The following ASIC4 variants were observed in gnomAD, a reference collection of about 807,000 sequenced individuals.
ASIC4 encodes the protein acid sensing ion channel subunit family member 4.
A neutral mutation model predicts 53.4 loss-of-function variants in ASIC4; 28 were observed. The ratio of observed to expected loss-of-function variants is 0.52; its 90% CI spans 0.39 to 0.72. The LOEUF is 0.72. ASIC4 is among the 30% of genes least tolerant of loss of function. ASIC4 has a pLI of 0.00. For synonymous variants in ASIC4, 289 were observed against 301.4 expected (o/e 0.96, Z 0.43); for missense variants, 649 against 729.7 (o/e 0.89, Z 1.27).
chr2:219,536,944 G>A lies in ASIC4; in HGVS notation c.1230-122G>A, dbSNP rs909873667. 3 of 806,650 alleles carry A rather than the reference G, an allele frequency of 3.7e-6. No individual in the cohort carries two copies. The highest frequency in any genetic ancestry group is 2.2e-5 in the Admixed American group (1 of 44,508). 50.0% of individuals were successfully genotyped at this position (806,650 alleles called of 1,614,324 possible). ...CCCCTCACAGCCTTGGGGAGTCCGG[G>A]GGGTAGTCACTGACTTCCCCATGTA... On this transcript the variant is annotated intron_variant, in intron 6 of 9. Coordinates refer to ENST00000358078, the MANE Select transcript of ASIC4 (RefSeq NM_018674.6). The surrounding 1 kb of genome is among the most constrained non-coding windows in gnomAD (Gnocchi z 4.6).
chr2:219,535,903 G>C (rs1025398814), intron 6 of ASIC4, among the ~76,000 whole-genome samples: 1 of 151,474 alleles, frequency 6.6e-6, no homozygotes, highest in African/African-American at 2.4e-5. Flanking sequence ...CTCCCAAATA[G>C]CTGGGATTAT....
chr2:219,524,083 A>C (rs1376756512), intron 1 of ASIC4, among the ~76,000 whole-genome samples: 1 of 152,138 alleles, frequency 6.6e-6, no homozygotes, highest in Non-Finnish European at 1.5e-5. Context: ...TTGGCCTCCT[A>C]AAGTGCCGGG....
At position 219,517,226 on chromosome 2, in the gene ASIC4, G is replaced by T. The variant is rs1694809024; in HGVS notation, c.582+1920G>T. On this transcript the variant is annotated intron_variant, in intron 1 of 9. Coordinates refer to ENST00000358078, the MANE Select transcript of ASIC4 (RefSeq NM_018674.6). The surrounding 1 kb of genome is among the most constrained non-coding windows in gnomAD (Gnocchi z 4.2). ...TGCTTGGTCTCCAGGCTAGGAGGCG[G>T]TGCCTGGAGGATACAGGAACGGGGA... 1 of 152,292 alleles carries T rather than the reference G, an allele frequency of 6.6e-6. No homozygotes were observed. 9.4% of individuals were successfully genotyped at this position (152,292 alleles called of 1,614,324 possible). A position where few individuals can be genotyped will look rare whatever the true frequency, so the allele number is the denominator to read the frequency against.
Position 219,519,305 on chromosome 2 carries a change from T to C in ASIC4, c.582+3999T>C, listed in dbSNP as rs1369106808. The stretch of plus-strand genomic sequence containing the variant: ...TACTCTGTGTAAGCGTCAGCTGTTA[T>C]AAATGCCGCCACCCCAACTGCTGGC... On this transcript the variant is annotated intron_variant, in intron 1 of 9. Transcript: ENST00000358078. Among the ~76,000 whole-genome samples, 4 of 152,238 alleles carry C rather than the reference T, an allele frequency of 2.6e-5. No individual in the cohort carries two copies. In the East Asian group the frequency reaches 5.8e-4, roughly 22 times the overall value.
At chr2:219,514,132 C>T, upstream of ASIC4, 1 of 601,582 alleles carries the variant, frequency 1.7e-6, no homozygotes, top group Middle Eastern at 4.5e-4. Context: ...GGGCACGGCA[C>T]CCTTCCCTGG....
Position 219,514,898 on chromosome 2 carries a change from T to C in ASIC4, c.174T>C (p.Cys58=), listed in dbSNP as rs759446726. Residue 58 remains cysteine, a synonymous_variant, in exon 1 of 10, where the codon TGT becomes TGC. Transcript: ENST00000358078. ...TSTLHGLGRA[C]GPGPHGLRRT... is the part of the protein sequence containing the mutation. ...CCCTGCATGGACTGGGCCGGGCCTGTGGCCCAGGCCCCCACGGACTGCGCA... is the reference window on the plus strand; with the variant it reads ...CCCTGCATGGACTGGGCCGGGCCTGCGGCCCAGGCCCCCACGGACTGCGCA... 2 of 1,612,398 alleles carry C rather than the reference T, an allele frequency of 1.2e-6. No homozygotes were observed. Among genetic ancestry groups the C allele is most frequent in the Non-Finnish European group, 1.7e-6 (2 of 1,179,778 alleles).
Position 219,535,098 on chromosome 2 carries a change from C to CCT in ASIC4, c.1076-68_1076-67dup, listed in dbSNP as rs1695105993. ...CTGCCTCAGGACGGCCCCTGGGCCT[C>CCT]CTCTCTGCAGCTGGTGGGCCACTGG... On this transcript the variant is annotated intron_variant, in intron 5 of 9. Coordinates refer to ENST00000358078, the MANE Select transcript of ASIC4 (RefSeq NM_018674.6). 10 of 1,547,406 alleles carry CCT rather than the reference C, an allele frequency of 6.5e-6. No individual in the cohort carries two copies. In the East Asian group the frequency reaches 1.8e-4, roughly 28 times the overall value.
At chr2:219,532,612 TGA>T in intron 4 of ASIC4, 135 bp downstream of exon 4, 1 of 1,270,492 alleles carries the variant, frequency 7.9e-7, no homozygotes, top group Non-Finnish European at 1.1e-6. Flanking sequence ...CGTGTGAGTG[TGA>T]GTGTTTGGGA....
upstream of ASIC4, among the ~76,000 whole-genome samples, chr2:219,511,592 C>T (rs1439170754): frequency 5.9e-5 from 9 of 152,148 alleles, no homozygotes; most frequent in Admixed American, 3.3e-4. The surrounding 1 kb of genome is among the most constrained non-coding windows in gnomAD (Gnocchi z 5.3). Flanking sequence ...CCCAGCTCCC[C>T]GGCACTCCCA....
chr2:219,514,753 A>C lies in ASIC4; in HGVS notation c.29A>C (p.Lys10Thr). Residue 10 changes from lysine to threonine, a missense_variant, in exon 1 of 10, where the codon AAA becomes ACA. Lys to Thr is a moderately conservative substitution (Grantham distance 78). Transcript: ENST00000358078. ...CCGATCGAGATTGTGTGCAAAATCA[A>C]ATTTGCTGAGGAGGATGCGAAACCC... MPIEIVCKI[K>T]FAEEDAKPKE... 6.2e-7 allele frequency: 1 copy of C among 1,613,556 alleles called. No individual in the cohort carries two copies. Among genetic ancestry groups the C allele is most frequent in the Non-Finnish European group, 8.5e-7 (1 of 1,179,974 alleles).
chr2:219,520,763 G>A (rs1022653555), intron 1 of ASIC4, among the ~76,000 whole-genome samples: 3 of 152,202 alleles, frequency 2.0e-5, no homozygotes, highest in Non-Finnish European at 4.4e-5. Context: ...TCTGGTTCAG[G>A]GCTGATCCTG....
At chr2:219,530,351 C>A (rs1695022939) in intron 1 of ASIC4, among the ~76,000 whole-genome samples, 1 of 152,276 alleles carries the variant, frequency 6.6e-6, no homozygotes, top group Non-Finnish European at 1.5e-5. Flanking sequence ...CCAGCGCCAT[C>A]TGCTGTCCAT....
Position 219,537,717 on chromosome 2 carries a change from T to C in ASIC4, c.1487T>C (p.Leu496Pro). The change falls in exon 9 of 10, where the codon CTT (leucine) becomes CCT (proline). Residue 496 changes from leucine to proline, a missense_variant. Leu to Pro is a moderately conservative substitution (Grantham distance 98). Transcript: ENST00000358078. The surrounding 1 kb of genome is among the most constrained non-coding windows in gnomAD (Gnocchi z 4.9). Reference sequence around the variant, plus strand: ...ACTGGGGGCATCTCCACTTTGGGGCTTCAGGAGCTGAAGGAACAGGTGAGG... The same window carrying C: ...ACTGGGGGCATCTCCACTTTGGGGCCTCAGGAGCTGAAGGAACAGGTGAGG... ...TSTGGISTLG[L>P]QELKEQSPCP... 6.2e-7 allele frequency: 1 copy of C among 1,613,802 alleles called. No individual in the cohort carries two copies. Among genetic ancestry groups the C allele is most frequent in the South Asian group, 1.1e-5 (1 of 91,020 alleles).
chr2:219,532,249 G>T (rs1335302630), intron 3 of ASIC4, 66 bp from the exon 4 acceptor site: 1 of 1,597,110 alleles, frequency 6.3e-7, no homozygotes, highest in African/African-American at 1.3e-5. Flanking sequence ...ACTTTGCTGG[G>T]GCTGTGGGCA....
intron 1 of ASIC4, among the ~76,000 whole-genome samples, chr2:219,515,677 C>T (rs1299419560): frequency 2.0e-5 from 3 of 152,356 alleles, no homozygotes; most frequent in Admixed American, 6.5e-5. Context: ...TCACTTTTCT[C>T]TTGCTCCCTT....
rs1201445352 is a variant in ASIC4, at chr2:219,536,698, C to T, written c.1230-368C>T. On this transcript the variant is annotated intron_variant, in intron 6 of 9. Coordinates refer to ENST00000358078, the MANE Select transcript of ASIC4 (RefSeq NM_018674.6). This position sits in a 1 kb window ranked among gnomAD's most constrained non-coding sequence, Gnocchi z 4.6. ...GAGGAAGGTGCCGGGGACAGGCCAC[C>T]GGCTGCCCAGGACACCGAGAAGGGG... Among the ~76,000 whole-genome samples the T allele has an allele frequency of 6.6e-6, 1 of 151,684 alleles. No homozygotes were observed. The highest frequency in any genetic ancestry group is 6.6e-5 in the Admixed American group (1 of 15,220).
At chr2:219,534,922 C>T (rs968567514) in intron 5 of ASIC4, among the ~76,000 whole-genome samples, 1 of 152,136 alleles carries the variant, frequency 6.6e-6, no homozygotes, top group Non-Finnish European at 1.5e-5. Flanking sequence ...GAGGACCCCC[C>T]CCCAGTCCCA....
intron 5 of ASIC4, 96 bp downstream of exon 5, chr2:219,533,035 C>T (rs1275788582): frequency 7.4e-7 from 1 of 1,345,696 alleles, no homozygotes; most frequent in South Asian, 1.2e-5. Flanking sequence ...CTCCCAATCT[C>T]TTCCTGGAGG....
At position 219,514,497 on chromosome 2, in the gene ASIC4, CGGCAGCAGA is replaced by C. The variant is rs767046034; in HGVS notation, c.-219_-211del. ...GGAGACGATCGAGGAGAGAGACAAGCGGCAGCAGAGGCAGCAGCGGCAGAGGCAGCACCA... is the reference window on the plus strand; with the variant it reads ...GGAGACGATCGAGGAGAGAGACAAGCGGCAGCAGCGGCAGAGGCAGCACCA... On this transcript the variant is annotated 5_prime_UTR_variant, in exon 1 of 10. Transcript: ENST00000358078. 4.7e-4 allele frequency: 727 copies of C among 1,550,800 alleles called. 2 individuals carry two copies. Among genetic ancestry groups the C allele is most frequent in the Admixed American group, 6.7e-4 (34 of 51,000 alleles).
Sources: gnomAD v4.1 joint callset for allele counts (sites outside exome capture counted in the v4.1 genomes callset) on GRCh38, gnomAD v4.1.1 for gene constraint, Gnocchi (gnomAD v3.1) non-coding constraint, MANE v1.5 for transcripts, NCBI Gene and HGNC (gene_info 2026-07-23, HGNC 2026-07-21) for gene names.